MAP3K4: variants seen among roughly 807,000 people sequenced by gnomAD.
MAP3K4 encodes the protein mitogen-activated protein kinase kinase kinase 4, also known as MAP three kinase 1.
MAP3K4 carries 67 observed loss-of-function variants against 185.6 expected under a neutral mutation model. That is an observed-to-expected ratio of 0.36 (90% CI 0.30 to 0.44). The LOEUF is 0.44. MAP3K4 is among the 20% of genes least tolerant of loss of function. MAP3K4 has a pLI of 1.00. For missense variants in MAP3K4, 1,551 were observed against 1,995.1 expected, an observed-to-expected ratio of 0.78 and a Z score of 4.24; for synonymous variants, 702 against 710.4, an observed-to-expected ratio of 0.99 and a Z score of 0.19.
chr6:161,026,289 C>G (rs974154845), intron 1 of MAP3K4, among the ~76,000 whole-genome samples: 2 of 112,666 alleles, frequency 1.8e-5, no homozygotes, highest in Admixed American at 8.6e-5. Context: ...CGCCACCACG[C>G]GCAGCTAATT....
chr6:161,036,889 C>G (rs990983910), intron 2 of MAP3K4, among the ~76,000 whole-genome samples: 1 of 152,138 alleles, frequency 6.6e-6, no homozygotes, highest in African/African-American at 2.4e-5. Context: ...GTGGTGCTTA[C>G]TCAGAAAGTA....
intron 1 of MAP3K4, among the ~76,000 whole-genome samples, chr6:161,029,344 C>T (rs1385118453): frequency 2.6e-5 from 4 of 152,194 alleles, no homozygotes; most frequent in South Asian, 2.1e-4. Context: ...CTATTTCAGG[C>T]ACCATTGTGG....
Position 161,108,088 on chromosome 6 carries a change from T to C in MAP3K4, c.4119+119T>C. ...GTAGAGCTGTCTTCAGCACCAGCAC[T>C]GCGACAGTCAGGACCAACCAGGCAG... is the stretch of plus-strand genomic sequence containing the variant. On this transcript the variant is annotated intron_variant, in intron 21 of 26. Coordinates refer to ENST00000392142, the MANE Select transcript of MAP3K4 (RefSeq NM_005922.4). This position sits in a 1 kb window ranked among gnomAD's most constrained non-coding sequence, Gnocchi z 5.7. 1.2e-6 allele frequency: 1 copy of C among 847,474 alleles called. No homozygotes were observed. The highest frequency in any genetic ancestry group is 1.7e-5 in the South Asian group (1 of 60,576). 52.5% of individuals were successfully genotyped at this position (847,474 alleles called of 1,614,324 possible). A position where few individuals can be genotyped will look rare whatever the true frequency, so the allele number is the denominator to read the frequency against.
At chr6:161,039,300 A>C (rs908726350) in intron 2 of MAP3K4, among the ~76,000 whole-genome samples, 4 of 151,436 alleles carry the variant, frequency 2.6e-5, no homozygotes, top group Non-Finnish European at 4.4e-5. Context: ...AAAAAAAAAA[A>C]CATCAAGTAC....
At chr6:161,062,336 G>A (rs1290203928) in intron 3 of MAP3K4, among the ~76,000 whole-genome samples, 1 of 152,076 alleles carries the variant, frequency 6.6e-6, no homozygotes, top group African/African-American at 2.4e-5. Flanking sequence ...TCATACAGCC[G>A]TGTATGACAG....
In MAP3K4 at chr6:161,112,032, C is replaced by T; in HGVS notation, c.4519+74C>T. 6.4e-7 allele frequency: 1 copy of T among 1,567,738 alleles called. No individual in the cohort carries two copies. The highest frequency in any genetic ancestry group is 8.7e-7 in the Non-Finnish European group (1 of 1,153,928). ...CTTGGGGCCTGCATGTTCCCTTCACCTTTGTTTGTCAGTAGAGATGGGAGA... is the reference window on the plus strand; with the variant it reads ...CTTGGGGCCTGCATGTTCCCTTCACTTTTGTTTGTCAGTAGAGATGGGAGA... On this transcript the variant is annotated intron_variant, in intron 24 of 26. Coordinates refer to ENST00000392142, the MANE Select transcript of MAP3K4 (RefSeq NM_005922.4). This position sits in a 1 kb window ranked among gnomAD's most constrained non-coding sequence, Gnocchi z 5.1.
intron 1 of MAP3K4, among the ~76,000 whole-genome samples, chr6:161,025,430 A>G (rs1782600067): frequency 6.6e-6 from 1 of 152,230 alleles, no homozygotes; most frequent in Admixed American, 6.5e-5. Flanking sequence ...TTCCGTCACC[A>G]AATACTTTGG....
intron 3 of MAP3K4, among the ~76,000 whole-genome samples, chr6:161,058,943 T>C (rs1784368682): frequency 6.6e-6 from 1 of 152,182 alleles, no homozygotes; most frequent in African/African-American, 2.4e-5. Flanking sequence ...CTTATTCTGT[T>C]GTTTTTGTAA....
At chr6:161,089,827 C>G (rs1174408306) in intron 11 of MAP3K4, among the ~76,000 whole-genome samples, 1 of 152,134 alleles carries the variant, frequency 6.6e-6, no homozygotes, top group Non-Finnish European at 1.5e-5. Context: ...AGAGGTACTC[C>G]ATATCAGCAG....
intron 1 of MAP3K4, among the ~76,000 whole-genome samples, chr6:161,003,918 G>A (rs951376052): frequency 9.2e-6 from 1 of 108,494 alleles, no homozygotes; most frequent in Admixed American, 1.1e-4. Context: ...AAATTAGATG[G>A]AATATCCACT....
Position 161,051,364 on chromosome 6 carries a change from C to T in MAP3K4, c.1707+1385C>T, listed in dbSNP as rs1176399425. On this transcript the variant is annotated intron_variant, in intron 3 of 26. Transcript: ENST00000392142. The surrounding 1 kb of genome is among the most constrained non-coding windows in gnomAD (Gnocchi z 4.2). Reference sequence around the variant, plus strand: ...GCAAGATTTTAATTTTTTATTCTGACAGCCGGATTATGAGCCCTTAGGAGG... The same window carrying T: ...GCAAGATTTTAATTTTTTATTCTGATAGCCGGATTATGAGCCCTTAGGAGG... Among the ~76,000 whole-genome samples, 1 of 152,136 alleles carries T rather than the reference C, an allele frequency of 6.6e-6. No homozygotes were observed. Among genetic ancestry groups the T allele is most frequent in the Admixed American group, 6.5e-5 (1 of 15,276 alleles).
At chr6:161,046,367 A>AT (rs1562502450) in intron 2 of MAP3K4, among the ~76,000 whole-genome samples, 2 of 152,082 alleles carry the variant, frequency 1.3e-5, no homozygotes, top group Admixed American at 6.6e-5. Flanking sequence ...GGTCTAAGCA[A>AT]TTTTTTTATA....
chr6:161,024,769 G>A (rs763802964), intron 1 of MAP3K4, among the ~76,000 whole-genome samples: 4 of 152,286 alleles, frequency 2.6e-5, no homozygotes, highest in African/African-American at 9.6e-5. Flanking sequence ...CCTGTTTGTT[G>A]TCAGGTTACC....
rs1781669662 is a variant in MAP3K4, at chr6:161,007,935, A to G, written c.152+15852A>G. On this transcript the variant is annotated intron_variant, in intron 1 of 26. Coordinates refer to ENST00000392142, the MANE Select transcript of MAP3K4 (RefSeq NM_005922.4). This position sits in a 1 kb window ranked among gnomAD's most constrained non-coding sequence, Gnocchi z 4.5. ...TCAGAGATGTTAAAATTAGGGAAAA[A>G]CGTGTGTTTTAAAATCAGTGAAGTA... Among the ~76,000 whole-genome samples, 1 of 152,170 alleles carries G rather than the reference A, an allele frequency of 6.6e-6. No homozygotes were observed. The highest frequency in any genetic ancestry group is 2.1e-4 in the South Asian group (1 of 4,830).
At chr6:160,997,008 C>G (rs1781024878) in intron 1 of MAP3K4, among the ~76,000 whole-genome samples, 1 of 152,148 alleles carries the variant, frequency 6.6e-6, no homozygotes, top group East Asian at 1.9e-4. Flanking sequence ...ATCACACAGG[C>G]TGCTTTTTTC....
chr6:161,049,218 G>A lies in MAP3K4; in HGVS notation c.946G>A (p.Gly316Ser). Residue 316 changes from glycine to serine, a missense_variant, in exon 3 of 27, where the codon GGT (glycine) becomes AGT (serine). Physicochemically the swap from Gly to Ser is moderately conservative, Grantham distance 56. This residue lies in a region of MAP3K4 where 93 missense variants were observed against 96.7 expected (regional missense o/e 0.96). Coordinates refer to ENST00000392142, the MANE Select transcript of MAP3K4 (RefSeq NM_005922.4). This position sits in a 1 kb window ranked among gnomAD's most constrained non-coding sequence, Gnocchi z 8.4. ...GSFAFVRDRA[G>S]FNGTSVEGQC... ...CTTCGCCTTTGTTAGAGATAGAGCTGGTTTTAATGGTACTTCAGTAGAAGG... is the reference window on the plus strand; with the variant it reads ...CTTCGCCTTTGTTAGAGATAGAGCTAGTTTTAATGGTACTTCAGTAGAAGG... The A allele has an allele frequency of 1.9e-6, 3 of 1,614,064 alleles. No homozygotes were observed. Among genetic ancestry groups the A allele is most frequent in the Non-Finnish European group, 2.5e-6 (3 of 1,179,994 alleles).
chr6:161,061,080 A>G lies in MAP3K4; in HGVS notation c.1708-9528A>G, dbSNP rs919996446. On this transcript the variant is annotated intron_variant, in intron 3 of 26. Transcript: ENST00000392142. The surrounding 1 kb of genome is among the most constrained non-coding windows in gnomAD (Gnocchi z 4.2). ...GGGCAGATGAAAACACATACACAAA[A>G]TGCATCACATGTCCTTTCTGATAGT... Among the ~76,000 whole-genome samples the G allele has an allele frequency of 1.3e-5, 2 of 152,214 alleles. No homozygotes were observed. The highest frequency in any genetic ancestry group is 4.8e-5 in the African/African-American group (2 of 41,448).
intron 2 of MAP3K4, among the ~76,000 whole-genome samples, chr6:161,047,862 A>G (rs80275324): frequency 0.038 from 5,830 of 152,292 alleles, 150 homozygotes; most frequent in South Asian, 0.072. Context: ...CCTCTTCTAG[A>G]TGTTTGAAGG....
chr6:161,078,344 CAGTA>C (rs141474464), intron 5 of MAP3K4, among the ~76,000 whole-genome samples: 4 of 152,276 alleles, frequency 2.6e-5, no homozygotes, highest in African/African-American at 9.6e-5. Flanking sequence ...GATGAAAAGA[CAGTA>C]AGGGGCTGCA....
Sources: allele counts gnomAD v4.1 joint callset (sites outside exome capture counted in the v4.1 genomes callset), GRCh38; gene constraint gnomAD v4.1.1; regional missense constraint gnomAD v4.1.1; non-coding constraint Gnocchi (gnomAD v3.1); transcripts MANE v1.5; gene names NCBI Gene and HGNC (gene_info 2026-07-23, HGNC 2026-07-21).